Variants in AP2A2 observed in about 807,000 individuals in gnomAD.
AP2A2 encodes the protein AP-2 complex subunit alpha-2.
AP2A2 carries 32 observed loss-of-function variants against 104.2 expected under a neutral mutation model. The observed-to-expected ratio is 0.31, with a 90% confidence interval of 0.23 to 0.41. AP2A2 has a LOEUF of 0.41. AP2A2 is among the 10% of genes least tolerant of loss of function. The pLI is 1.00. For synonymous variants in AP2A2, 539 were observed against 533.3 expected, an observed-to-expected ratio of 1.01 and a Z score of -0.15; for missense variants, 912 against 1,261.0, an observed-to-expected ratio of 0.72 and a Z score of 4.19.
At chr11:971,334 G>A (rs1381993106) in intron 3 of AP2A2, among the ~76,000 whole-genome samples, 1 of 152,258 alleles carries the variant, frequency 6.6e-6, no homozygotes, top group Non-Finnish European at 1.5e-5. Flanking sequence ...GGAGAGCAGA[G>A]CAGGTGGTGC....
intron 21 of AP2A2, 148 bp downstream of exon 21, chr11:1,009,965 C>G: frequency 9.8e-7 from 1 of 1,017,994 alleles, no homozygotes; most frequent in Non-Finnish European, 1.4e-6. Context: ...ATGGTTGCCT[C>G]CCAGCCTCCC....
chr11:995,238 C>T (rs776278172), intron 14 of AP2A2: 12 of 451,488 alleles, frequency 2.7e-5, no homozygotes, highest in African/African-American at 1.6e-4. Flanking sequence ...CCCTGCTCTT[C>T]GAGGTTTTAT....
At chr11:970,621 C>T (rs1297649267) in intron 3 of AP2A2, among the ~76,000 whole-genome samples, 3 of 152,264 alleles carry the variant, frequency 2.0e-5, no homozygotes, top group Non-Finnish European at 4.4e-5. Context: ...ACCTCCCTTA[C>T]GGCGAGTTTC....
chr11:928,993 G>C (rs1437192267), intron 1 of AP2A2, among the ~76,000 whole-genome samples: 1 of 152,138 alleles, frequency 6.6e-6, no homozygotes, highest in Non-Finnish European at 1.5e-5. Context: ...TCCTCATGGC[G>C]AGCGTCTGGC....
At chr11:932,489 C>T (rs1362645601) in intron 1 of AP2A2, among the ~76,000 whole-genome samples, 2 of 152,216 alleles carry the variant, frequency 1.3e-5, no homozygotes, top group African/African-American at 4.8e-5. Flanking sequence ...TCTGCTTTTG[C>T]ATTTCTTAAA....
chr11:968,738 C>T lies in AP2A2; in HGVS notation c.137-1431C>T, dbSNP rs983309880. The stretch of plus-strand genomic sequence containing the variant: ...TCCTGCACAAACAGGGCACGGAGAA[C>T]GTGTCTGCTGGGACCCCTTGGGCAC... On this transcript the variant is annotated intron_variant, in intron 2 of 21. Coordinates refer to ENST00000448903, the MANE Select transcript of AP2A2 (RefSeq NM_012305.4). This position sits in a 1 kb window ranked among gnomAD's most constrained non-coding sequence, Gnocchi z 4.2. Among the ~76,000 whole-genome samples the T allele has an allele frequency of 5.4e-5, 8 of 147,044 alleles. No individual in the cohort carries two copies. Among genetic ancestry groups the T allele is most frequent in the African/African-American group, 7.5e-5 (3 of 39,978 alleles).
At chr11:1,006,445 TG>T (rs989650144) in intron 16 of AP2A2, 82 bp from the exon 17 acceptor site, 2 of 942,768 alleles carry the variant, frequency 2.1e-6, no homozygotes, top group African/African-American at 1.7e-5. Flanking sequence ...CTGAAGATTG[TG>T]GGGGGCTCTT....
chr11:982,175 A>G (rs1016935344), intron 6 of AP2A2, among the ~76,000 whole-genome samples: 1 of 151,822 alleles, frequency 6.6e-6, no homozygotes, highest in South Asian at 2.1e-4. Flanking sequence ...CTCAGCCTCC[A>G]GAGTAGCTGG....
chr11:966,144 C>G (rs1854609267), intron 2 of AP2A2, among the ~76,000 whole-genome samples: 1 of 152,242 alleles, frequency 6.6e-6, no homozygotes, highest in Non-Finnish European at 1.5e-5. Flanking sequence ...CTGCACCTGA[C>G]TGGGAATTTC....
chr11:959,063 A>G (rs1854335821), intron 1 of AP2A2, among the ~76,000 whole-genome samples: 1 of 152,260 alleles, frequency 6.6e-6, no homozygotes, highest in Admixed American at 6.5e-5. Context: ...CCGTGTTATT[A>G]GCGGATGACG....
chr11:963,671 C>A (rs1854516340), intron 2 of AP2A2, among the ~76,000 whole-genome samples: 2 of 152,182 alleles, frequency 1.3e-5, no homozygotes, highest in African/African-American at 4.8e-5. Context: ...CTCTGTTGAC[C>A]AGGCTGCCCA....
chr11:962,648 G>A (rs1854480763), intron 2 of AP2A2, among the ~76,000 whole-genome samples: 1 of 152,066 alleles, frequency 6.6e-6, no homozygotes, highest in Non-Finnish European at 1.5e-5. Context: ...CAGGAGAATC[G>A]CTTGAACTGG....
chr11:971,369 C>T (rs950505515), intron 3 of AP2A2, among the ~76,000 whole-genome samples: 4 of 152,020 alleles, frequency 2.6e-5, no homozygotes, highest in Admixed American at 2.0e-4. Flanking sequence ...GGCGTGCGAG[C>T]GCAGGGCTGA....
intron 14 of AP2A2, among the ~76,000 whole-genome samples, chr11:994,707 G>A (rs527541709): frequency 7.7e-6 from 1 of 130,558 alleles, no homozygotes; most frequent in Non-Finnish European, 1.6e-5. Flanking sequence ...TGGACGCCCC[G>A]TTGTCCTGTC....
chr11:932,214 A>G (rs1422527521), intron 1 of AP2A2, among the ~76,000 whole-genome samples: 1 of 152,110 alleles, frequency 6.6e-6, no homozygotes, highest in African/African-American at 2.4e-5. Context: ...CGGCCTCCCA[A>G]AGTGCTGGGA....
chr11:1,011,362 GGCCGGT>G lies in AP2A2; in HGVS notation c.*739_*744del. 1 of 518,334 alleles carries G rather than the reference GGCCGGT, an allele frequency of 1.9e-6. No individual in the cohort carries two copies. The highest frequency in any genetic ancestry group is 3.9e-6 in the Non-Finnish European group (1 of 259,698). 32.1% of individuals were successfully genotyped at this position (518,334 alleles called of 1,614,324 possible). A position where few individuals can be genotyped will look rare whatever the true frequency, so the allele number is the denominator to read the frequency against. On this transcript the variant is annotated 3_prime_UTR_variant, in exon 22 of 22. Transcript: ENST00000448903. ...CCCCAGGACTCCAGGGTAAAGTGTG[GGCCGGT>G]GGCGCAAGACTCAGAGGTGTGCTCG...
At chr11:947,560 C>T (rs1172306720) in intron 1 of AP2A2, among the ~76,000 whole-genome samples, 1 of 151,912 alleles carries the variant, frequency 6.6e-6, no homozygotes, top group Admixed American at 6.6e-5. Context: ...CTTTGGGAGG[C>T]CGAGGTGGGC....
Position 996,822 on chromosome 11 carries a change from C to T in AP2A2, c.1956+2577C>T, listed in dbSNP as rs566041268. 1.1e-3 allele frequency among the ~76,000 whole-genome samples: 149 copies of T among 134,038 alleles called. 1 individual carries two copies. Among genetic ancestry groups the T allele is most frequent in the Non-Finnish European group, 2.0e-3 (122 of 60,012 alleles). The allele number at this position is 134,038 out of a possible 152,430, so 87.9% of individuals were successfully genotyped here. ...TAGGGAGGTGTCTGTGGCCGAGGCA[C>T]GCAGCTCTGTTCTGAGCTGAGAGCT... is the stretch of plus-strand genomic sequence containing the variant. On this transcript the variant is annotated intron_variant, in intron 14 of 21. Transcript: ENST00000448903.
chr11:941,125 A>G (rs984499820), intron 1 of AP2A2, among the ~76,000 whole-genome samples: 2 of 152,108 alleles, frequency 1.3e-5, no homozygotes, highest in African/African-American at 4.8e-5. Context: ...TGCTCTCTGT[A>G]TAGACTTGAA....
Sources: allele counts gnomAD v4.1 joint callset (sites outside exome capture counted in the v4.1 genomes callset), GRCh38; gene constraint gnomAD v4.1.1; non-coding constraint Gnocchi (gnomAD v3.1); transcripts MANE v1.5; gene names NCBI Gene and HGNC (gene_info 2026-07-23, HGNC 2026-07-21).